The following SEC31B variants were observed in gnomAD, a reference collection of about 807,000 sequenced individuals.
SEC31B encodes the protein SEC31 homolog B, COPII component.
Under a neutral mutation model 135.0 loss-of-function variants are expected in SEC31B, and 113 were observed. The ratio of observed to expected loss-of-function variants is 0.84; its 90% confidence interval spans 0.72 to 0.98. SEC31B has a LOEUF of 0.98. Among genes scored for constraint, SEC31B ranks in the 50% least tolerant of loss-of-function variants. The pLI is 0.00. For missense variants in SEC31B, 1,296 were observed against 1,421.1 expected (o/e 0.91, Z 1.42); for synonymous variants, 508 against 549.4 (o/e 0.92, Z 1.05).
chr10:100,502,397 G>A lies in SEC31B; in HGVS notation c.1267C>T (p.Gln423Ter). 6.2e-7 allele frequency: 1 copy of A among 1,614,200 alleles called. No individual in the cohort carries two copies. Among genetic ancestry groups the A allele is most frequent in the African/African-American group, 1.3e-5 (1 of 75,042 alleles). The change falls in exon 11 of 26, where the codon CAA becomes TAA. Residue 423 changes from glutamine (Q) to a stop codon, truncating the protein, a stop_gained. Coordinates refer to ENST00000370345, the MANE Select transcript of SEC31B (RefSeq NM_015490.4). LOFTEE classifies it high-confidence loss of function. ...QPCPRLVFISQVTTESEFLMR... is the reference protein window; with the variant it reads ...QPCPRLVFIS ...AGGAATTCAGATTCTGTGGTGACTT[G>A]ACTGATGAAGACTAGGCGGGGGCAA...
At chr10:100,508,314 T>C in intron 5 of SEC31B, 1 of 552,768 alleles carries the variant, frequency 1.8e-6, no homozygotes, top group Non-Finnish European at 3.3e-6. Flanking sequence ...GTCAAGATTT[T>C]AAAAAACAGC....
chr10:100,488,320 A>G (rs1288701395), intron 24 of SEC31B, among the ~76,000 whole-genome samples: 1 of 152,012 alleles, frequency 6.6e-6, no homozygotes, highest in East Asian at 1.9e-4. Flanking sequence ...TTAGCCGGGT[A>G]TGGAGGTGGG....
Position 100,516,205 on chromosome 10 carries a change from G to T in SEC31B, c.94C>A (p.Gln32Lys). The T allele has an allele frequency of 6.2e-7, 1 of 1,613,786 alleles. No homozygotes were observed. Among genetic ancestry groups the T allele is most frequent in the South Asian group, 1.1e-5 (1 of 91,006 alleles). Residue 32 changes from glutamine (Q) to lysine (K), a missense_variant, in exon 3 of 26, where the codon CAG becomes AAG. Coordinates refer to ENST00000370345, the MANE Select transcript of SEC31B (RefSeq NM_015490.4). Reference protein sequence around the residue: ...LYLATGTSAQQLDSSFSTNGT... With the variant: ...LYLATGTSAQKLDSSFSTNGT... ...TTTGTGCTGAAGGAGGAATCTAGCT[G>T]TTGGGCAGATGTTCCTAGGCACAAG... is the stretch of plus-strand genomic sequence containing the variant.
At chr10:100,518,340 A>G (rs938856401) in intron 1 of SEC31B, among the ~76,000 whole-genome samples, 1 of 151,700 alleles carries the variant, frequency 6.6e-6, no homozygotes, top group African/African-American at 2.4e-5. Context: ...CACTTTCGAC[A>G]TGACTGGCTC....
Position 100,515,974 on chromosome 10 carries a change from C to T in SEC31B, c.203+122G>A, listed in dbSNP as rs1851834226. 4 of 1,247,628 alleles carry T rather than the reference C, an allele frequency of 3.2e-6. No individual in the cohort carries two copies. The Admixed American group carries it at 7.3e-5, about 23-fold the overall frequency. 77.3% of individuals were successfully genotyped at this position (1,247,628 alleles called of 1,614,324 possible). On this transcript the variant is annotated intron_variant, in intron 3 of 25. Coordinates refer to ENST00000370345, the MANE Select transcript of SEC31B (RefSeq NM_015490.4). ...AAATAAGCCCAGAATTAACTTTTCTCCAACTTGGCAAAGCTCCTTCTTCCC... is the reference window on the plus strand; with the variant it reads ...AAATAAGCCCAGAATTAACTTTTCTTCAACTTGGCAAAGCTCCTTCTTCCC...
intron 6 of SEC31B, 71 bp downstream of exon 6, chr10:100,507,837 G>A (rs1426594940): frequency 6.3e-7 from 1 of 1,589,544 alleles, no homozygotes; most frequent in Non-Finnish European, 8.6e-7. Context: ...GCCTGGGGCA[G>A]AGCAGCTCTA....
chr10:100,498,910 A>G (rs1851465208), intron 13 of SEC31B, 106 bp from the exon 14 acceptor site: 1 of 874,540 alleles, frequency 1.1e-6, no homozygotes, highest in African/African-American at 1.7e-5. Flanking sequence ...TAATGGGTAA[A>G]ACTAAAAAAA....
intron 13 of SEC31B, 46 bp downstream of exon 13, chr10:100,499,114 G>T (rs1183903180): frequency 6.6e-7 from 1 of 1,508,600 alleles, no homozygotes; most frequent in Non-Finnish European, 9.2e-7. Flanking sequence ...CAAAAGGCAG[G>T]TTTCCTGTGT....
chr10:100,505,417 G>C lies in SEC31B; in HGVS notation c.1123C>G (p.Pro375Ala). 6.2e-7 allele frequency: 1 copy of C among 1,608,276 alleles called. No individual in the cohort carries two copies. The highest frequency in any genetic ancestry group is 8.5e-7 in the Non-Finnish European group (1 of 1,177,050). Residue 375 changes from proline to alanine, a missense_variant, in exon 10 of 26, where the codon CCT (proline) becomes GCT (alanine). By Grantham distance (27) the Pro-to-Ala change is conservative. Transcript: ENST00000370345. ...PEQVAQAPLI[P>A]PLKKPPKWIR... ...CATTTGGGGGGTTTTTTCAGGGGAG[G>C]TATCAGTGGTGCTTGTGCCACTTGC...
Position 100,487,639 on chromosome 10 carries a change from T to C in SEC31B, c.3517A>G (p.Ile1173Val). The C allele has an allele frequency of 1.2e-6, 2 of 1,613,334 alleles. No individual in the cohort carries two copies. Among genetic ancestry groups the C allele is most frequent in the South Asian group, 1.1e-5 (1 of 90,870 alleles). Reference protein sequence around the residue: ...FMPILKAVLIIAHKLLV With the variant: ...FMPILKAVLIVAHKLLV ...GTTTAGACCAGCAGCTTATGAGCGATGATGAGGACAGCCTTCAGGATAGGC... is the reference window on the plus strand; with the variant it reads ...GTTTAGACCAGCAGCTTATGAGCGACGATGAGGACAGCCTTCAGGATAGGC... The change falls in exon 26 of 26, where the codon ATC (isoleucine) becomes GTC (valine). Residue 1173 changes from isoleucine (I) to valine (V), a missense_variant. Ile to Val is a conservative substitution (Grantham distance 29). Transcript: ENST00000370345.
At chr10:100,491,704 C>T (rs1481055371) in intron 19 of SEC31B, among the ~76,000 whole-genome samples, 1 of 152,200 alleles carries the variant, frequency 6.6e-6, no homozygotes, top group Non-Finnish European at 1.5e-5. Context: ...GATTCATGAT[C>T]TAGTACACAA....
At position 100,507,430 on chromosome 10, in the gene SEC31B, G is replaced by A; in HGVS notation, c.777C>T (p.His259=). 1 of 1,614,192 alleles carries A rather than the reference G, an allele frequency of 6.2e-7. No individual in the cohort carries two copies. The highest frequency in any genetic ancestry group is 2.2e-5 in the East Asian group (1 of 44,882). The part of the protein sequence containing the change: ...ASSPLKVLES[H]SRGILSVSWS... ...GATGACGTCTGAGATGCTACCTGCT[G>A]TGGCTCTCCAGCACCTTCAAGGGCG... Residue 259 remains histidine, a synonymous_variant, in exon 7 of 26, where the codon CAC becomes CAT. Coordinates refer to ENST00000370345, the MANE Select transcript of SEC31B (RefSeq NM_015490.4).
chr10:100,502,399 C>A lies in SEC31B; in HGVS notation c.1265G>T (p.Ser422Ile), dbSNP rs1372426395. Reference protein sequence around the residue: ...PQPCPRLVFISQVTTESEFLM... With the variant: ...PQPCPRLVFIIQVTTESEFLM... Reference sequence around the variant, plus strand: ...GAATTCAGATTCTGTGGTGACTTGACTGATGAAGACTAGGCGGGGGCAAGG... The same window carrying A: ...GAATTCAGATTCTGTGGTGACTTGAATGATGAAGACTAGGCGGGGGCAAGG... The change falls in exon 11 of 26, where the codon AGT (serine) becomes ATT (isoleucine). Residue 422 changes from serine (S) to isoleucine (I), a missense_variant. Physicochemically the swap from Ser to Ile is moderately radical, Grantham distance 142. Transcript: ENST00000370345. The A allele has an allele frequency of 6.2e-7, 1 of 1,614,184 alleles. No homozygotes were observed. The highest frequency in any genetic ancestry group is 8.5e-7 in the Non-Finnish European group (1 of 1,180,034).
chr10:100,512,296 C>G (rs1320618679), intron 3 of SEC31B, among the ~76,000 whole-genome samples: 1 of 152,168 alleles, frequency 6.6e-6, no homozygotes, highest in Non-Finnish European at 1.5e-5. Flanking sequence ...TAAGGTACAG[C>G]AGACCACACA....
chr10:100,488,007 G>A lies in SEC31B; in HGVS notation c.3360+20C>T, dbSNP rs756906220. On this transcript the variant is annotated intron_variant, in intron 25 of 25. Coordinates refer to ENST00000370345, the MANE Select transcript of SEC31B (RefSeq NM_015490.4). ...GGTGGAAGTGTAGGAGGCAGTGGGA[G>A]CACAGCTAGCTGTACTTACTGTCCC... is the stretch of plus-strand genomic sequence containing the variant. The A allele has an allele frequency of 1.6e-5, 26 of 1,611,066 alleles. No homozygotes were observed. The Admixed American group carries it at 4.2e-4, about 26-fold the overall frequency.
At position 100,494,973 on chromosome 10, in the gene SEC31B, G is replaced by A. The variant is rs141613758; in HGVS notation, c.2472+412C>T. The A allele has an allele frequency of 6.3e-4, 144 of 229,982 alleles. 3 individuals are homozygous for A. In the East Asian group the frequency reaches 0.015, roughly 24 times the overall value. 14.2% of individuals were successfully genotyped at this position (229,982 alleles called of 1,614,324 possible). A position where few individuals can be genotyped will look rare whatever the true frequency, so the allele number is the denominator to read the frequency against. On this transcript the variant is annotated intron_variant, in intron 19 of 25. Coordinates refer to ENST00000370345, the MANE Select transcript of SEC31B (RefSeq NM_015490.4). The stretch of plus-strand genomic sequence containing the variant: ...CCCGAGTAGCTGGGACTACAGGCAC[G>A]TGCCACCATGCCCAGATCATTATTT...
At chr10:100,503,476 C>T (rs1406985847) in intron 10 of SEC31B, among the ~76,000 whole-genome samples, 1 of 151,180 alleles carries the variant, frequency 6.6e-6, no homozygotes, top group Non-Finnish European at 1.5e-5. Flanking sequence ...TCTTGTTGCC[C>T]AGGCTGGAGT....
intron 19 of SEC31B, among the ~76,000 whole-genome samples, chr10:100,492,199 A>G (rs1346310328): frequency 6.6e-6 from 1 of 152,142 alleles, no homozygotes. Context: ...AAGACTGGAA[A>G]CAAGGCAAGA....
chr10:100,497,922 A>T, intron 15 of SEC31B, 107 bp downstream of exon 15: 1 of 1,578,634 alleles, frequency 6.3e-7, no homozygotes, highest in South Asian at 1.2e-5. Flanking sequence ...TTAGAGTAGA[A>T]AGAGAGAGGC....
Sources: gnomAD v4.1 joint callset for allele counts (sites outside exome capture counted in the v4.1 genomes callset) on GRCh38, gnomAD v4.1.1 for gene constraint, MANE v1.5 for transcripts, NCBI Gene and HGNC (gene_info 2026-07-23, HGNC 2026-07-21) for gene names.